LRRTM3: variants seen among roughly 807,000 people sequenced by gnomAD.
LRRTM3 encodes leucine rich repeat transmembrane neuronal 3, also known as leucine-rich repeat transmembrane neuronal protein 3.
In LRRTM3, 24 loss-of-function variants were observed where a neutral mutation model predicts 44.7. The observed-to-expected ratio is 0.54, with a 90% CI of 0.39 to 0.76. The LOEUF is 0.76. LRRTM3 is among the 30% of genes least tolerant of loss of function. The pLI is 0.00. For synonymous variants in LRRTM3, 277 were observed against 278.7 expected (o/e 0.99, Z 0.06); for missense variants, 587 against 702.2 (o/e 0.84, Z 1.85).
At chr10:66,942,353 G>A (rs1185518645) in intron 2 of LRRTM3, among the ~76,000 whole-genome samples, 3 of 152,092 alleles carry the variant, frequency 2.0e-5, no homozygotes, top group Admixed American at 6.5e-5. Context: ...TTGCAAGCCC[G>A]TTATTAATAT....
At chr10:66,987,416 G>A (rs992364082) in intron 2 of LRRTM3, among the ~76,000 whole-genome samples, 4 of 152,132 alleles carry the variant, frequency 2.6e-5, no homozygotes, top group African/African-American at 9.7e-5. Flanking sequence ...ATAGAATGTA[G>A]GGCTGAAGAA....
At chr10:66,929,944 G>A (rs1452088547) in intron 2 of LRRTM3, among the ~76,000 whole-genome samples, 1 of 152,130 alleles carries the variant, frequency 6.6e-6, no homozygotes, top group African/African-American at 2.4e-5. Context: ...GCAACATTGA[G>A]GCTGTTTCAT....
chr10:66,968,410 AAG>A (rs1849550022), intron 2 of LRRTM3, among the ~76,000 whole-genome samples: 1 of 144,538 alleles, frequency 6.9e-6, no homozygotes, highest in Non-Finnish European at 1.5e-5. Flanking sequence ...CATTAAGGGA[AAG>A]AAATTAAAAA....
chr10:67,028,526 T>G (rs2133100701), intron 2 of LRRTM3, among the ~76,000 whole-genome samples: 1 of 151,970 alleles, frequency 6.6e-6, no homozygotes, highest in East Asian at 1.9e-4. Flanking sequence ...AGGCAAATAG[T>G]CAATGAAATC....
intron 2 of LRRTM3, among the ~76,000 whole-genome samples, chr10:67,017,469 A>T (rs1290624754): frequency 6.6e-6 from 1 of 152,180 alleles, no homozygotes; most frequent in Non-Finnish European, 1.5e-5. Context: ...TTAGTCCTCC[A>T]CATACCATGC....
intron 2 of LRRTM3, among the ~76,000 whole-genome samples, chr10:66,958,528 T>G (rs1441435310): frequency 6.6e-6 from 1 of 152,118 alleles, no homozygotes; most frequent in African/African-American, 2.4e-5. Flanking sequence ...AATGTGCAGC[T>G]GGGTTCAGAA....
intron 2 of LRRTM3, among the ~76,000 whole-genome samples, chr10:67,085,287 T>C (rs1033876022): frequency 2.0e-5 from 3 of 151,890 alleles, no homozygotes; most frequent in East Asian, 1.9e-4. Flanking sequence ...AAAATATGAC[T>C]AGTCTTCTTG....
chr10:67,044,516 A>G (rs188375738), intron 2 of LRRTM3, among the ~76,000 whole-genome samples: 363 of 152,286 alleles, frequency 2.4e-3, no homozygotes, highest in African/African-American at 8.1e-3. Context: ...CTATCTGGAA[A>G]GTTTCCCAGA....
At chr10:66,997,728 T>A (rs1056437740) in intron 2 of LRRTM3, among the ~76,000 whole-genome samples, 7 of 152,178 alleles carry the variant, frequency 4.6e-5, no homozygotes, top group African/African-American at 1.7e-4. Flanking sequence ...TATTCCGTCA[T>A]AACAATCTAT....
chr10:67,084,632 C>A (rs779967906), intron 2 of LRRTM3, among the ~76,000 whole-genome samples: 1 of 151,838 alleles, frequency 6.6e-6, no homozygotes, highest in Non-Finnish European at 1.5e-5. Context: ...CCTTTCCAAT[C>A]TTACTACTTG....
At chr10:67,097,547 T>C in intron 2 of LRRTM3, 40 bp from the exon 3 acceptor site, 3 of 1,570,536 alleles carry the variant, frequency 1.9e-6, no homozygotes, top group Non-Finnish European at 2.6e-6. Context: ...AAGTTGTCCA[T>C]ATTTTTATAA....
intron 2 of LRRTM3, among the ~76,000 whole-genome samples, chr10:66,931,379 G>A (rs142889852): frequency 6.6e-6 from 1 of 152,106 alleles, no homozygotes; most frequent in Non-Finnish European, 1.5e-5. Flanking sequence ...CAGTGCCACA[G>A]TCTTGTAAGC....
At chr10:66,967,536 C>T (rs1849499390) in intron 2 of LRRTM3, among the ~76,000 whole-genome samples, 1 of 152,138 alleles carries the variant, frequency 6.6e-6, no homozygotes, top group South Asian at 2.1e-4. Flanking sequence ...TCAACCACTA[C>T]TTGCATCTGC....
chr10:67,088,570 C>G (rs564123870), intron 2 of LRRTM3, among the ~76,000 whole-genome samples: 2 of 151,922 alleles, frequency 1.3e-5, no homozygotes, highest in South Asian at 2.1e-4. Context: ...TGCAAGACAC[C>G]CATAAAGCTA....
chr10:66,987,466 G>C (rs944588523), intron 2 of LRRTM3, among the ~76,000 whole-genome samples: 15 of 152,140 alleles, frequency 9.9e-5, no homozygotes, highest in African/African-American at 3.4e-4. Flanking sequence ...TGGGGTCTTA[G>C]CAATCCGAGA....
chr10:67,078,512 C>CTT (rs11396357), intron 2 of LRRTM3, among the ~76,000 whole-genome samples: 4 of 151,126 alleles, frequency 2.6e-5, no homozygotes, highest in Non-Finnish European at 4.4e-5. Flanking sequence ...TTTCTGATAC[C>CTT]TTTTTTATTA....
chr10:66,928,115 G>T lies in LRRTM3; in HGVS notation c.1199G>T (p.Gly400Val), dbSNP rs751343170. 3.1e-6 allele frequency: 5 copies of T among 1,613,826 alleles called. No individual in the cohort carries two copies. The highest frequency in any genetic ancestry group is 4.2e-6 in the Non-Finnish European group (5 of 1,180,018). ...ESKPPLPPTV[G>V]ATEPGPETDA... The stretch of plus-strand genomic sequence containing the variant: ...AAACCCCCTTTGCCCCCGACGGTGG[G>T]AGCCACAGAGCCCGGCCCAGAGACC... Residue 400 changes from glycine to valine, a missense_variant, in exon 2 of 3, where the codon GGA becomes GTA. Physicochemically the swap from Gly to Val is moderately radical, Grantham distance 109. Coordinates refer to ENST00000361320, the MANE Select transcript of LRRTM3 (RefSeq NM_178011.5).
chr10:67,036,973 TGAC>T (rs1447045409), intron 2 of LRRTM3, among the ~76,000 whole-genome samples: 1 of 152,022 alleles, frequency 6.6e-6, no homozygotes, highest in African/African-American at 2.4e-5. Context: ...CCAAAGGGAG[TGAC>T]TCATTCATCT....
At chr10:67,062,597 G>T (rs1468867986) in intron 2 of LRRTM3, among the ~76,000 whole-genome samples, 1 of 152,052 alleles carries the variant, frequency 6.6e-6, no homozygotes, top group African/African-American at 2.4e-5. Flanking sequence ...AAAATTGGGT[G>T]GGGAAACATC....
Sources: gnomAD v4.1 joint callset for allele counts (sites outside exome capture counted in the v4.1 genomes callset) on GRCh38, gnomAD v4.1.1 for gene constraint, MANE v1.5 for transcripts, NCBI Gene and HGNC (gene_info 2026-07-23, HGNC 2026-07-21) for gene names.